WASL: variants seen among roughly 807,000 people sequenced by gnomAD.
WASL encodes WASP like actin nucleation promoting factor, also known as actin nucleation-promoting factor WASL.
A neutral mutation model predicts 55.5 loss-of-function variants in WASL; 20 were observed. The observed-to-expected ratio is 0.36, with a 90% confidence interval of 0.25 to 0.52. The LOEUF is 0.52. Among genes scored for constraint, WASL ranks in the 20% least tolerant of loss-of-function variants. The pLI, the probability that WASL is intolerant of heterozygous loss-of-function variation, is 0.92. For missense variants in WASL, 504 were observed against 622.5 expected, an observed-to-expected ratio of 0.81 and a Z score of 2.03; for synonymous variants, 249 against 217.6, an observed-to-expected ratio of 1.14 and a Z score of -1.27.
chr7:123,708,512 G>A (rs942428945), intron 2 of WASL, among the ~76,000 whole-genome samples: 2 of 152,006 alleles, frequency 1.3e-5, no homozygotes, highest in African/African-American at 4.8e-5. Flanking sequence ...TATGACAACT[G>A]TAAGAAATGA....
Position 123,748,679 on chromosome 7 carries a change from G to C in WASL, c.56C>G (p.Ser19Cys). ...PPPRRVTNVGSLLLTPQENES... is the reference protein window; with the variant it reads ...PPPRRVTNVGCLLLTPQENES... ...GTTCTCCTGCGGGGTGAGCAACAGG[G>C]ACCCCACGTTGGTGACCCTCCGCGG... Residue 19 changes from serine to cysteine, a missense_variant, in exon 1 of 11, where the codon TCC (serine) becomes TGC (cysteine). Physicochemically the swap from Ser to Cys is moderately radical, Grantham distance 112 (BLOSUM62 -1). Transcript: ENST00000223023. 1.9e-6 allele frequency: 3 copies of C among 1,612,098 alleles called. No individual in the cohort carries two copies. Among genetic ancestry groups the C allele is most frequent in the Non-Finnish European group, 2.5e-6 (3 of 1,179,214 alleles).
At chr7:123,699,829 C>CATGAATAT (rs1803549092) in intron 5 of WASL, among the ~76,000 whole-genome samples, 1 of 152,152 alleles carries the variant, frequency 6.6e-6, no homozygotes, top group Non-Finnish European at 1.5e-5. Flanking sequence ...TATTATTATG[C>CATGAATAT]ATCAACATTA....
intron 1 of WASL, among the ~76,000 whole-genome samples, chr7:123,734,265 A>G (rs1408406972): frequency 6.6e-6 from 1 of 152,192 alleles, no homozygotes; most frequent in East Asian, 1.9e-4. Context: ...TCTGAAATAG[A>G]TAAGGAACTC....
intron 1 of WASL, among the ~76,000 whole-genome samples, chr7:123,712,955 C>A (rs577441693): frequency 3.0e-4 from 45 of 152,180 alleles, no homozygotes; most frequent in African/African-American, 1.0e-3. Flanking sequence ...ATAGGTATTT[C>A]TTTGACTACA....
In WASL at chr7:123,706,441, A is replaced by G. The variant is rs1803670386; in HGVS notation, c.340-68T>C. The stretch of plus-strand genomic sequence containing the variant: ...AATTTAGCTTTATATCATAAAAACA[A>G]TGAGGAAAAGAAGTATATTTCTAAA... On this transcript the variant is annotated intron_variant, in intron 3 of 10. Transcript: ENST00000223023. 4 of 1,408,304 alleles carry G rather than the reference A, an allele frequency of 2.8e-6. No individual in the cohort carries two copies. In the Middle Eastern group the frequency reaches 5.5e-4, roughly 194 times the overall value. The allele number at this position is 1,408,304 out of a possible 1,614,324, so 87.2% of individuals were successfully genotyped here. A position where few individuals can be genotyped will look rare whatever the true frequency, so the allele number is the denominator to read the frequency against.
Position 123,748,637 on chromosome 7 carries a change from A to G in WASL, c.98T>C (p.Phe33Ser), listed in dbSNP as rs956391926. The G allele has an allele frequency of 1.9e-6, 3 of 1,613,410 alleles. No individual in the cohort carries two copies. In the African/African-American group the frequency reaches 4.0e-5, roughly 22 times the overall value. ...ACTGACCACACATTTCTTGCCGAGG[A>G]AAGTGAAGAGGGACTCGTTCTCCTG... ...TPQENESLFT[F>S]LGKKCVTMSS... The change falls in exon 1 of 11, where the codon TTC (phenylalanine) becomes TCC (serine). Residue 33 changes from phenylalanine (F) to serine (S), a missense_variant. Physicochemically the swap from Phe to Ser is radical, Grantham distance 155. This residue lies in a region of WASL where 230 missense variants were observed against 271.9 expected (regional missense o/e 0.85). Coordinates refer to ENST00000223023, the MANE Select transcript of WASL (RefSeq NM_003941.4).
At chr7:123,740,966 G>A (rs1804331845) in intron 1 of WASL, among the ~76,000 whole-genome samples, 1 of 152,170 alleles carries the variant, frequency 6.6e-6, no homozygotes, top group Non-Finnish European at 1.5e-5. Flanking sequence ...TACTCCCCAT[G>A]TCTATTGGGT....
intron 7 of WASL, among the ~76,000 whole-genome samples, 179 bp from the exon 8 acceptor site, chr7:123,695,047 ATTC>A (rs923649983): frequency 3.3e-4 from 50 of 152,246 alleles, no homozygotes; most frequent in African/African-American, 4.8e-4. Context: ...TCCCTATTTT[ATTC>A]TTCTTTTTTG....
At chr7:123,714,478 T>C (rs916511475) in intron 1 of WASL, among the ~76,000 whole-genome samples, 7 of 151,990 alleles carry the variant, frequency 4.6e-5, no homozygotes, top group Non-Finnish European at 1.0e-4. Context: ...CACAAAAGCA[T>C]AAAATAACAA....
At chr7:123,717,824 G>A (rs1584866637) in intron 1 of WASL, among the ~76,000 whole-genome samples, 2 of 152,006 alleles carry the variant, frequency 1.3e-5, no homozygotes, top group South Asian at 2.1e-4. Flanking sequence ...AATACTTTAC[G>A]CTTCCAACTC....
At chr7:123,718,534 T>C (rs1427246688) in intron 1 of WASL, among the ~76,000 whole-genome samples, 4 of 152,166 alleles carry the variant, frequency 2.6e-5, no homozygotes, top group Non-Finnish European at 5.9e-5. Context: ...GAGAGTCTTC[T>C]ATATTCAATG....
chr7:123,686,361 C>G (rs1803288866), intron 10 of WASL, among the ~76,000 whole-genome samples: 2 of 152,064 alleles, frequency 1.3e-5, no homozygotes, highest in Admixed American at 1.3e-4. Flanking sequence ...ACAAAATTTA[C>G]CTGGATGAAA....
At chr7:123,720,331 T>G (rs533933292) in intron 1 of WASL, 1 of 412,500 alleles carries the variant, frequency 2.4e-6, no homozygotes, top group African/African-American at 2.4e-5. Flanking sequence ...ACAAATAGGA[T>G]ACCATACAGC....
In WASL at chr7:123,692,593, C is replaced by G; in HGVS notation, c.1101G>C (p.Gly367=). Residue 367 remains glycine, a synonymous_variant, in exon 9 of 11, where the codon GGG becomes GGC. Coordinates refer to ENST00000223023, the MANE Select transcript of WASL (RefSeq NM_003941.4). ...GPPPPPPSVL[G]VGPVAPPPPP... is the part of the protein sequence containing the mutation. ...GTGGGGGTGGTGCCACTGGCCCTAC[C>G]CCCAACACAGATGGAGGTGGTGGTG... 6.2e-7 allele frequency: 1 copy of G among 1,608,382 alleles called. No homozygotes were observed. Among genetic ancestry groups the G allele is most frequent in the Non-Finnish European group, 8.5e-7 (1 of 1,177,396 alleles).
rs1032600504 is a variant in WASL at position 123,748,868 on chromosome 7, G to C, written c.-134C>G. On this transcript the variant is annotated 5_prime_UTR_variant, in exon 1 of 11. Transcript: ENST00000223023. ...CACATCTCGCAGCTCCTCCGGAGCG[G>C]GGAGGAGGACGAGGTCGAGGGAAGC... 1 of 719,186 alleles carries C rather than the reference G, an allele frequency of 1.4e-6. No individual in the cohort carries two copies. The highest frequency in any genetic ancestry group is 3.2e-5 in the East Asian group (1 of 31,688). The allele number at this position is 719,186 out of a possible 1,614,324, so 44.6% of individuals were successfully genotyped here.
At chr7:123,724,272 T>A (rs1804006146) in intron 1 of WASL, among the ~76,000 whole-genome samples, 1 of 152,182 alleles carries the variant, frequency 6.6e-6, no homozygotes, top group African/African-American at 2.4e-5. Context: ...GAACCCAATA[T>A]ATATCAGAGA....
At chr7:123,688,617 C>G (rs1335620553) in intron 10 of WASL, among the ~76,000 whole-genome samples, 1 of 152,158 alleles carries the variant, frequency 6.6e-6, no homozygotes, top group East Asian at 1.9e-4. Flanking sequence ...CCGCCTCGGC[C>G]TCCCAAAGTG....
intron 8 of WASL, 112 bp from the exon 9 acceptor site, chr7:123,692,979 C>G: frequency 7.9e-7 from 1 of 1,264,498 alleles, no homozygotes; most frequent in Non-Finnish European, 1.0e-6. Context: ...AAAAAAGGGT[C>G]TCATCTTTGC....
chr7:123,696,050 C>G (rs1803487151), intron 6 of WASL, among the ~76,000 whole-genome samples, 185 bp from the exon 7 acceptor site: 2 of 152,038 alleles, frequency 1.3e-5, no homozygotes, highest in Non-Finnish European at 2.9e-5. Flanking sequence ...GATTCTAGCC[C>G]TGACTCTGCT....
Sources: allele counts gnomAD v4.1 joint callset (sites outside exome capture counted in the v4.1 genomes callset), GRCh38; gene constraint gnomAD v4.1.1; regional missense constraint gnomAD v4.1.1; transcripts MANE v1.5; gene names NCBI Gene and HGNC (gene_info 2026-07-23, HGNC 2026-07-21).